The following ABCC10 variants were observed in gnomAD, a reference collection of about 807,000 sequenced individuals.
ABCC10 encodes the protein ATP-binding cassette sub-family C member 10.
Under a neutral mutation model 143.2 loss-of-function variants are expected in ABCC10, and 110 were observed. The observed-to-expected ratio is 0.77, with a 90% CI of 0.66 to 0.90. The LOEUF is 0.90. ABCC10 is among the 40% of genes least tolerant of loss of function. ABCC10 has a pLI of 0.00. For missense variants in ABCC10, 1,700 were observed against 1,900.5 expected (o/e 0.89, Z 1.96); for synonymous variants, 805 against 846.7 (o/e 0.95, Z 0.85).
chr6:43,445,965 G>A, intron 15 of ABCC10, 23 bp downstream of exon 15: 1 of 1,598,648 alleles, frequency 6.3e-7, no homozygotes, highest in Non-Finnish European at 8.5e-7. Flanking sequence ...GAGCCCAGGG[G>A]GATGAGGTGT....
chr6:43,449,040 C>T lies in ABCC10; in HGVS notation c.4105+14C>T, dbSNP rs774217014. On this transcript the variant is annotated intron_variant, in intron 19 of 21. Coordinates refer to ENST00000372530, the MANE Select transcript of ABCC10 (RefSeq NM_001198934.2). Reference sequence around the variant, plus strand: ...TTACATCCATGGGTGAGTGCTGGACCCTGACCTTAGAGCAAGAAGGGAGCA... The same window carrying T: ...TTACATCCATGGGTGAGTGCTGGACTCTGACCTTAGAGCAAGAAGGGAGCA... 6 of 1,613,322 alleles carry T rather than the reference C, an allele frequency of 3.7e-6. No homozygotes were observed. The highest frequency in any genetic ancestry group is 1.7e-5 in the Admixed American group (1 of 59,950).
intron 8 of ABCC10, among the ~76,000 whole-genome samples, chr6:43,440,730 T>C (rs1271472744): frequency 6.6e-6 from 1 of 151,498 alleles, no homozygotes. Flanking sequence ...GGCGTGGTCG[T>C]GGGCACCTGT....
At chr6:43,431,854 T>C (rs1019663934) in intron 2 of ABCC10, 113 of 1,289,926 alleles carry the variant, frequency 8.8e-5, no homozygotes, top group Non-Finnish European at 1.0e-4. Context: ...ATTGTTAATG[T>C]CTGTGGTTTA....
At chr6:43,428,931 T>C (rs1014449529) in intron 2 of ABCC10, among the ~76,000 whole-genome samples, 1 of 152,218 alleles carries the variant, frequency 6.6e-6, no homozygotes, top group African/African-American at 2.4e-5. Flanking sequence ...GATTAAACCC[T>C]TCTAGACTTT....
intron 18 of ABCC10, among the ~76,000 whole-genome samples, chr6:43,448,313 G>A (rs1783347822): frequency 6.6e-6 from 1 of 152,156 alleles, no homozygotes; most frequent in African/African-American, 2.4e-5. Flanking sequence ...GGCCTCACTG[G>A]AGGGTATACA....
At chr6:43,442,002 GA>G in intron 9 of ABCC10, 42 bp downstream of exon 9, 1 of 1,569,088 alleles carries the variant, frequency 6.4e-7, no homozygotes, top group Non-Finnish European at 8.8e-7. Context: ...GAGGTGGGGG[GA>G]GTCCAGAGCC....
chr6:43,430,858 G>A (rs1781054082), intron 2 of ABCC10: 1 of 151,798 alleles, frequency 6.6e-6, no homozygotes, highest in African/African-American at 2.4e-5. Context: ...AAAGTAGCTG[G>A]GATTACAGGT....
At chr6:43,441,567 T>C (rs891040276) in intron 8 of ABCC10, among the ~76,000 whole-genome samples, 1 of 152,242 alleles carries the variant, frequency 6.6e-6, no homozygotes, top group Non-Finnish European at 1.5e-5. Context: ...GCCAGCTAGT[T>C]AATCTGTCTG....
chr6:43,437,514 T>TC (rs2127392762), intron 6 of ABCC10, among the ~76,000 whole-genome samples: 2 of 151,130 alleles, frequency 1.3e-5, no homozygotes, highest in South Asian at 2.1e-4. Context: ...CTCTGCTTTT[T>TC]CCCCTGAGAT....
At position 43,441,891 on chromosome 6, in the gene ABCC10, G is replaced by T. The variant is rs114662925; in HGVS notation, c.2157G>T (p.Val719=). The T allele has an allele frequency of 1.9e-6, 3 of 1,613,758 alleles. No individual in the cohort carries two copies. In the African/African-American group the frequency reaches 4.0e-5, roughly 22 times the overall value. Residue 719 remains valine, a synonymous_variant, in exon 9 of 22, where the codon GTG becomes GTT. Coordinates refer to ENST00000372530, the MANE Select transcript of ABCC10 (RefSeq NM_001198934.2). ...SILPAGDQTE[V]GEKGVTLSGG... is the part of the protein sequence containing the mutation. ...TGCCTGCTGGAGACCAGACAGAGGT[G>T]GGGGAGAAGGGTGTCACCCTTAGCG...
intron 2 of ABCC10, among the ~76,000 whole-genome samples, chr6:43,429,372 T>TTTTGTG (rs1780869728): frequency 1.9e-4 from 19 of 98,244 alleles, no homozygotes; most frequent in African/African-American, 9.2e-4. Flanking sequence ...CTTTTCTTTC[T>TTTTGTG]TGTGTGTGTG....
Position 43,448,890 on chromosome 6 carries a change from G to A in ABCC10, c.3969G>A (p.Leu1323=), listed in dbSNP as rs767425538. 1 of 1,612,214 alleles carries A rather than the reference G, an allele frequency of 6.2e-7. No individual in the cohort carries two copies. The highest frequency in any genetic ancestry group is 2.2e-5 in the East Asian group (1 of 44,872). ...QLELAQLRSQ[L]AIIPQEPFLF... is the part of the protein sequence containing the mutation. ...TGTCATTGTCCCCCAGATCCCAGTT[G>A]GCTATCATCCCCCAGGAGCCCTTTT... The change falls in exon 19 of 22, where the codon TTG becomes TTA. Residue 1323 remains leucine, a synonymous_variant. Transcript: ENST00000372530.
At chr6:43,449,570 T>C (rs1783530550) in intron 21 of ABCC10, 36 bp downstream of exon 21, 1 of 1,555,620 alleles carries the variant, frequency 6.4e-7, no homozygotes, top group African/African-American at 1.4e-5. Context: ...AATCAGGGAC[T>C]GTGGTAGCAT....
intron 2 of ABCC10, among the ~76,000 whole-genome samples, chr6:43,430,249 C>T (rs1780985347): frequency 6.6e-6 from 1 of 151,918 alleles, no homozygotes; most frequent in Non-Finnish European, 1.5e-5. Context: ...TGCCACCATG[C>T]CTGGCCAGTT....
At chr6:43,449,844 G>A (rs985945479) in intron 21 of ABCC10, 85 bp from the exon 22 acceptor site, 18 of 1,491,064 alleles carry the variant, frequency 1.2e-5, no homozygotes, top group Admixed American at 5.8e-5. Flanking sequence ...GTGGTGTCCC[G>A]AGGGGAGAGG....
chr6:43,431,859 G>T (rs1318804695), intron 2 of ABCC10: 56 of 1,292,578 alleles, frequency 4.3e-5, no homozygotes, highest in Non-Finnish European at 5.3e-5. Context: ...TAATGTCTGT[G>T]GTTTAAAAAA....
rs950419506 is a variant in ABCC10 at position 43,443,664 on chromosome 6, C to T, written c.2417-269C>T. ...TGGCAGGCATAGCTCTGGCGGTCCT[C>T]TTGGGGATGGACATTCGTCCCTCTC... On this transcript the variant is annotated intron_variant, in intron 10 of 21. Coordinates refer to ENST00000372530, the MANE Select transcript of ABCC10 (RefSeq NM_001198934.2). This position sits in a 1 kb window ranked among gnomAD's most constrained non-coding sequence, Gnocchi z 4.2. 29 of 445,922 alleles carry T rather than the reference C, an allele frequency of 6.5e-5. No homozygotes were observed. The highest frequency in any genetic ancestry group is 1.4e-4 in the Admixed American group (4 of 29,572). 27.6% of individuals were successfully genotyped at this position (445,922 alleles called of 1,614,324 possible).
In ABCC10 at chr6:43,446,717, A is replaced by C. The variant is rs541956652; in HGVS notation, c.3544+271A>C. On this transcript the variant is annotated intron_variant, in intron 16 of 21. Transcript: ENST00000372530. The stretch of plus-strand genomic sequence containing the variant: ...CCTGCTTCCACCCCGTCCCCACCAC[A>C]CTGCCCCAGCCCGCTTCAGTCTCCC... 15 of 1,295,948 alleles carry C rather than the reference A, an allele frequency of 1.2e-5. No homozygotes were observed. In the East Asian group the frequency reaches 5.0e-4, roughly 43 times the overall value. The allele number at this position is 1,295,948 out of a possible 1,614,324, so 80.3% of individuals were successfully genotyped here.
At position 43,445,655 on chromosome 6, in the gene ABCC10, C is replaced by T. The variant is rs774145931; in HGVS notation, c.3087C>T (p.Ser1029=). The change falls in exon 15 of 22, where the codon TCC becomes TCT. Residue 1029 remains serine, a synonymous_variant. Coordinates refer to ENST00000372530, the MANE Select transcript of ABCC10 (RefSeq NM_001198934.2). ...TPTGRILNRF[S]SDVACADDSL... is the part of the protein sequence containing the mutation. ...CGGGCCGGATCCTAAACCGCTTCTCCTCTGATGTGGCCTGTGCGGATGACA... is the reference window on the plus strand; with the variant it reads ...CGGGCCGGATCCTAAACCGCTTCTCTTCTGATGTGGCCTGTGCGGATGACA... The T allele has an allele frequency of 6.2e-7, 1 of 1,614,204 alleles. No individual in the cohort carries two copies. Among genetic ancestry groups the T allele is most frequent in the Non-Finnish European group, 8.5e-7 (1 of 1,180,032 alleles).
Sources: gnomAD v4.1 joint callset for allele counts (sites outside exome capture counted in the v4.1 genomes callset) on GRCh38, gnomAD v4.1.1 for gene constraint, Gnocchi (gnomAD v3.1) non-coding constraint, MANE v1.5 for transcripts, NCBI Gene and HGNC (gene_info 2026-07-23, HGNC 2026-07-21) for gene names.